Variants in ESRRG observed in about 807,000 individuals in gnomAD.
ESRRG encodes estrogen related receptor gamma.
Under a neutral mutation model 44.0 loss-of-function variants are expected in ESRRG, and 13 were observed. That is an observed-to-expected ratio of 0.30 (90% CI 0.19 to 0.47). ESRRG has a LOEUF of 0.47. Ranked by LOEUF, ESRRG falls within the 20% of genes least tolerant of loss-of-function variation. The probability of loss-of-function intolerance (pLI) is 1.00; values close to 1 mark genes in which losing one functional copy is unlikely to be tolerated. For missense variants in ESRRG, 395 were observed against 580.6 expected (o/e 0.68, Z 3.29); for synonymous variants, 215 against 214.6 (o/e 1.00, Z -0.02).
chr1:216,994,751 T>C (rs1200289911), intron 1 of ESRRG, among the ~76,000 whole-genome samples: 1 of 142,490 alleles, frequency 7.0e-6, no homozygotes, highest in Middle Eastern at 3.5e-3. Context: ...CCGGCTAATT[T>C]TTTGTATTTT....
chr1:216,670,202 A>G (rs1453143495), intron 2 of ESRRG, among the ~76,000 whole-genome samples: 1 of 152,206 alleles, frequency 6.6e-6, no homozygotes, highest in Non-Finnish European at 1.5e-5. Context: ...ATGGCTGAAA[A>G]CATTCTAAGA....
intron 1 of ESRRG, among the ~76,000 whole-genome samples, chr1:217,041,016 A>T (rs886862949): frequency 6.6e-6 from 1 of 152,170 alleles, no homozygotes; most frequent in Admixed American, 6.5e-5. Context: ...CCTTTTTTAC[A>T]TTGGGAACCC....
At chr1:216,859,996 G>T (rs2096020581) in intron 2 of ESRRG, among the ~76,000 whole-genome samples, 1 of 152,132 alleles carries the variant, frequency 6.6e-6, no homozygotes, top group African/African-American at 2.4e-5. Flanking sequence ...AGGTGCAGTG[G>T]CTCATGCCTG....
intron 1 of ESRRG, among the ~76,000 whole-genome samples, chr1:217,099,846 G>A (rs2092481358): frequency 6.6e-6 from 1 of 152,178 alleles, no homozygotes; most frequent in Non-Finnish European, 1.5e-5. Flanking sequence ...ATAAGCAGGG[G>A]TGATGATGGC....
intron 2 of ESRRG, 33 bp from the exon 3 acceptor site, chr1:216,651,122 T>G (rs1389479738): frequency 7.4e-7 from 1 of 1,353,528 alleles, no homozygotes; most frequent in Admixed American, 1.7e-5. Context: ...AGTTGTCATA[T>G]TTACAAGATC....
At chr1:217,130,884 T>C (rs753799209) in intron 1 of ESRRG, among the ~76,000 whole-genome samples, 15 of 121,056 alleles carry the variant, frequency 1.2e-4, no homozygotes, top group Non-Finnish European at 2.2e-4. Flanking sequence ...AAGAAATGCC[T>C]TTTATTGTCT....
At chr1:216,876,103 A>C (rs993832715) in intron 2 of ESRRG, among the ~76,000 whole-genome samples, 1 of 152,234 alleles carries the variant, frequency 6.6e-6, no homozygotes, top group Non-Finnish European at 1.5e-5. Flanking sequence ...GAAATAAGAA[A>C]AGCCTTAAAA....
intron 2 of ESRRG, among the ~76,000 whole-genome samples, chr1:216,667,980 C>G (rs1043391806): frequency 6.6e-6 from 1 of 151,436 alleles, no homozygotes; most frequent in Non-Finnish European, 1.5e-5. Flanking sequence ...ACCTGTAATC[C>G]CAGCCACTCA....
At chr1:216,567,382 C>T (rs1335186597) in intron 4 of ESRRG, among the ~76,000 whole-genome samples, 1 of 152,128 alleles carries the variant, frequency 6.6e-6, no homozygotes, top group African/African-American at 2.4e-5. Flanking sequence ...CTCCATAAAA[C>T]CATGAGCTCT....
intron 1 of ESRRG, among the ~76,000 whole-genome samples, chr1:217,130,207 T>C (rs1248425521): frequency 6.6e-6 from 1 of 152,112 alleles, no homozygotes; most frequent in Non-Finnish European, 1.5e-5. Flanking sequence ...GTTTGTCACA[T>C]TGATAGCAGA....
At chr1:216,572,093 T>C (rs1288811180) in intron 3 of ESRRG, among the ~76,000 whole-genome samples, 1 of 152,200 alleles carries the variant, frequency 6.6e-6, no homozygotes, top group African/African-American at 2.4e-5. Context: ...TTTCAAAATC[T>C]GGAAAAATCT....
At chr1:216,587,903 T>C (rs1031496456) in intron 3 of ESRRG, among the ~76,000 whole-genome samples, 19 of 152,194 alleles carry the variant, frequency 1.2e-4, no homozygotes, top group Non-Finnish European at 1.9e-4. Flanking sequence ...AGCATGACTA[T>C]TTAGAAAGGT....
In ESRRG at chr1:216,817,071, A is replaced by C. The variant is rs186373050; in HGVS notation, c.-14+122511T>G. Among the ~76,000 whole-genome samples, 165 of 152,220 alleles carry C rather than the reference A, an allele frequency of 1.1e-3. 2 individuals are homozygous for C. In the East Asian group the frequency reaches 0.021, roughly 19 times the overall value. On this transcript the variant is annotated intron_variant, in intron 2 of 7. Coordinates refer to the ESRRG transcript ENST00000359162. ...AGAAAGAAAATGATAAAAAAAAAAA[A>C]ACACAGGTTTTGTGGGTCAATATGG...
intron 1 of ESRRG, among the ~76,000 whole-genome samples, chr1:216,978,003 C>A (rs1560337431): frequency 6.6e-6 from 1 of 152,034 alleles, no homozygotes; most frequent in Non-Finnish European, 1.5e-5. Context: ...ATACTGGAAC[C>A]ATGCTCTTGG....
chr1:217,120,672 A>G (rs1391806280), intron 1 of ESRRG, among the ~76,000 whole-genome samples: 1 of 152,022 alleles, frequency 6.6e-6, no homozygotes, highest in East Asian at 1.9e-4. Flanking sequence ...TACATCCCAA[A>G]TTCCCTCTTA....
At chr1:216,571,673 A>C (rs1235695397) in intron 3 of ESRRG, among the ~76,000 whole-genome samples, 1 of 151,962 alleles carries the variant, frequency 6.6e-6, no homozygotes, top group African/African-American at 2.4e-5. Flanking sequence ...CATTTACCTC[A>C]TCCTTCCCAT....
At chr1:217,065,901 C>T (rs761653541) in intron 1 of ESRRG, among the ~76,000 whole-genome samples, 7 of 152,100 alleles carry the variant, frequency 4.6e-5, no homozygotes, top group Non-Finnish European at 8.8e-5. Flanking sequence ...TAAAGCCTTC[C>T]CGCTTCCAAG....
chr1:216,700,508 T>C (rs1392484281), intron 1 of ESRRG, among the ~76,000 whole-genome samples: 1 of 152,112 alleles, frequency 6.6e-6, no homozygotes, highest in African/African-American at 2.4e-5. Flanking sequence ...ACACACACAC[T>C]TACGCACTCA....
intron 5 of ESRRG, among the ~76,000 whole-genome samples, chr1:216,548,585 C>A (rs1029164137): frequency 7.2e-5 from 11 of 152,044 alleles, no homozygotes; most frequent in Admixed American, 6.6e-4. Flanking sequence ...ATACATTTAT[C>A]TTTACTGGAT....
Sources: allele counts gnomAD v4.1 joint callset (sites outside exome capture counted in the v4.1 genomes callset), GRCh38; gene constraint gnomAD v4.1.1; transcripts MANE v1.5; gene names NCBI Gene and HGNC (gene_info 2026-07-23, HGNC 2026-07-21).